PHC1: variants seen among roughly 807,000 people sequenced by gnomAD.
PHC1 encodes polyhomeotic-like protein 1.
PHC1 carries 12 observed loss-of-function variants against 104.3 expected under a neutral mutation model. The ratio of observed to expected loss-of-function variants is 0.12; its 90% CI spans 0.07 to 0.19. PHC1 has a LOEUF of 0.19. Ranked by LOEUF, PHC1 falls within the 10% of genes least tolerant of loss-of-function variation. The pLI is 1.00. For missense variants in PHC1, 671 were observed against 1,200.0 expected, an observed-to-expected ratio of 0.56 and a Z score of 6.51; for synonymous variants, 302 against 455.8, an observed-to-expected ratio of 0.66 and a Z score of 4.30.
rs117302528 is a variant in PHC1, at chr12:8,929,795, C to T, written c.613-640C>T. Reference sequence around the variant, plus strand: ...TTGGCCTCCCAAAGTGTTGGGATTACAGGCATGAGTCATAGCGCCCAGCCT... The same window carrying T: ...TTGGCCTCCCAAAGTGTTGGGATTATAGGCATGAGTCATAGCGCCCAGCCT... On this transcript the variant is annotated intron_variant, in intron 6 of 14. Coordinates refer to ENST00000544916, the MANE Select transcript of PHC1 (RefSeq NM_004426.3). 7.1e-3 allele frequency among the ~76,000 whole-genome samples: 1,075 copies of T among 152,314 alleles called. 2 individuals carry two copies. Among genetic ancestry groups the T allele is most frequent in the Non-Finnish European group, 0.01 (694 of 68,026 alleles).
intron 6 of PHC1, among the ~76,000 whole-genome samples, chr12:8,927,721 A>ACGC (rs1945555860): frequency 6.6e-6 from 1 of 152,296 alleles, no homozygotes; most frequent in Admixed American, 6.5e-5. Flanking sequence ...GTATATTAAT[A>ACGC]ATTGCCAGAT....
At position 8,914,749 on chromosome 12, in the gene PHC1, C is replaced by T. The variant is rs771854633; in HGVS notation, c.-127C>T. On this transcript the variant is annotated 5_prime_UTR_variant, in exon 1 of 15. Coordinates refer to ENST00000544916, the MANE Select transcript of PHC1 (RefSeq NM_004426.3). Reference sequence around the variant, plus strand: ...CCGCGGAGGCCGAGCGAGCCCCCAGCCCAGCCTGGCGACTGGGGACCCCGG... The same window carrying T: ...CCGCGGAGGCCGAGCGAGCCCCCAGTCCAGCCTGGCGACTGGGGACCCCGG... 6.5e-6 allele frequency: 1 copy of T among 153,000 alleles called. No individual in the cohort carries two copies. The highest frequency in any genetic ancestry group is 1.9e-4 in the East Asian group (1 of 5,138). The allele number at this position is 153,000 out of a possible 1,614,324, so 9.5% of individuals were successfully genotyped here.
At chr12:8,928,144 G>T (rs1464694617) in intron 6 of PHC1, among the ~76,000 whole-genome samples, 1 of 151,902 alleles carries the variant, frequency 6.6e-6, no homozygotes, top group Non-Finnish European at 1.5e-5. Flanking sequence ...CTGAGCTCAG[G>T]CAGTCTGCCC....
At chr12:8,920,262 G>C (rs1165395346) in intron 3 of PHC1, among the ~76,000 whole-genome samples, 2 of 152,086 alleles carry the variant, frequency 1.3e-5, no homozygotes, top group Non-Finnish European at 2.9e-5. Context: ...ATTTTATATT[G>C]GGCTAAATAA....
At chr12:8,920,046 G>T in intron 3 of PHC1, 180 bp downstream of exon 3, 1 of 925,530 alleles carries the variant, frequency 1.1e-6, no homozygotes, top group Non-Finnish European at 1.6e-6. Context: ...AGTAAGAACC[G>T]TAAAATCACT....
chr12:8,929,789 G>A (rs747390458), intron 6 of PHC1, among the ~76,000 whole-genome samples: 19 of 152,134 alleles, frequency 1.2e-4, no homozygotes, highest in Admixed American at 7.9e-4. Context: ...CAAAGTGTTG[G>A]GATTACAGGC....
intron 11 of PHC1, 54 bp from the exon 12 acceptor site, chr12:8,936,802 C>A (rs1945850344): frequency 1.8e-6 from 2 of 1,105,578 alleles, no homozygotes; most frequent in Non-Finnish European, 2.7e-6. Context: ...CTAATGATTG[C>A]CTGAGGGGCA....
chr12:8,922,290 A>G (rs1424394693), intron 5 of PHC1, among the ~76,000 whole-genome samples: 1 of 152,238 alleles, frequency 6.6e-6, no homozygotes, highest in East Asian at 1.9e-4. Flanking sequence ...AGTGTTAGAT[A>G]TAGTCGACCT....
intron 3 of PHC1, among the ~76,000 whole-genome samples, chr12:8,920,701 CCTT>C (rs1332935152): frequency 2.0e-5 from 3 of 152,182 alleles, no homozygotes; most frequent in South Asian, 2.1e-4. Context: ...GAGCGAGACT[CCTT>C]CTCAAAAAAA....
chr12:8,928,006 A>G (rs188524980), intron 6 of PHC1, among the ~76,000 whole-genome samples: 1,873 of 149,848 alleles, frequency 0.012, 23 homozygotes, highest in Non-Finnish European at 0.022. Flanking sequence ...TTCTGGGTTC[A>G]AGCGATTCTT....
chr12:8,925,359 C>T (rs745912975), intron 6 of PHC1, among the ~76,000 whole-genome samples: 1 of 152,118 alleles, frequency 6.6e-6, no homozygotes, highest in Non-Finnish European at 1.5e-5. Flanking sequence ...AAGAAAGTCA[C>T]GATCACTGCA....
At chr12:8,932,436 ATTTCT>A (rs1185874866) in intron 7 of PHC1, 122 bp from the exon 8 acceptor site, 5 of 934,764 alleles carry the variant, frequency 5.3e-6, no homozygotes, top group Non-Finnish European at 8.1e-6. Context: ...TACTGACTAG[ATTTCT>A]TTTCACCGCA....
At position 8,939,356 on chromosome 12, in the gene PHC1, C is replaced by A; in HGVS notation, c.2912C>A (p.Ala971Asp). The A allele has an allele frequency of 1.9e-6, 3 of 1,611,604 alleles. No homozygotes were observed. The highest frequency in any genetic ancestry group is 2.5e-6 in the Non-Finnish European group (3 of 1,178,344). Reference protein sequence around the residue: ...EFRSQEIDGQALLLLKEEHLM... With the variant: ...EFRSQEIDGQDLLLLKEEHLM... Reference sequence around the variant, plus strand: ...CGCTCACAGGAGATTGATGGACAGGCCCTTTTATTACTTAAAGAAGAACAT... The same window carrying A: ...CGCTCACAGGAGATTGATGGACAGGACCTTTTATTACTTAAAGAAGAACAT... Residue 971 changes from alanine to aspartate, a missense_variant, in exon 15 of 15, where the codon GCC becomes GAC. Ala to Asp is a moderately radical substitution (Grantham distance 126, BLOSUM62 -2). Coordinates refer to ENST00000544916, the MANE Select transcript of PHC1 (RefSeq NM_004426.3).
intron 6 of PHC1, among the ~76,000 whole-genome samples, chr12:8,926,992 C>A (rs746348744): frequency 1.3e-5 from 2 of 152,216 alleles, no homozygotes; most frequent in South Asian, 4.2e-4. Context: ...GTAGGATGAA[C>A]CCCCACTTTG....
chr12:8,921,618 A>G lies in PHC1; in HGVS notation c.324A>G (p.Thr108=), dbSNP rs1252210968. The G allele has an allele frequency of 2.5e-6, 4 of 1,613,612 alleles. No homozygotes were observed. Among genetic ancestry groups the G allele is most frequent in the East Asian group, 2.2e-5 (1 of 44,876 alleles). Residue 108 remains threonine, a synonymous_variant, in exon 5 of 15, where the codon ACA becomes ACG. Coordinates refer to ENST00000544916, the MANE Select transcript of PHC1 (RefSeq NM_004426.3). ...TTQASINLAT[T]SAAQLISRSQ... ...CCACACAGATCAATCTGGCCACCAC[A>G]TCGGCCGCCCAGCTCATCAGCCGAT... is the stretch of plus-strand genomic sequence containing the variant.
At position 8,933,993 on chromosome 12, in the gene PHC1, C is replaced by T. The variant is rs1334295875; in HGVS notation, c.2022C>T (p.Asp674=). ...TAGCAGAAAGCCCAAAAGTCATGGACGAGAAGAGCAGTCTTGGAGGTGAGT... is the reference window on the plus strand; with the variant it reads ...TAGCAGAAAGCCCAAAAGTCATGGATGAGAAGAGCAGTCTTGGAGGTGAGT... The part of the protein sequence containing the change: ...SPVAESPKVM[D]EKSSLGEKAE... The change falls in exon 9 of 15, where the codon GAC becomes GAT. Residue 674 remains aspartate (D), a synonymous_variant. Transcript: ENST00000544916. 22 of 1,613,904 alleles carry T rather than the reference C, an allele frequency of 1.4e-5. 1 individual carries two copies. The highest frequency in any genetic ancestry group is 6.7e-5 in the Admixed American group (4 of 59,984).
chr12:8,923,611 G>A (rs1383782732), intron 6 of PHC1, among the ~76,000 whole-genome samples: 1 of 151,786 alleles, frequency 6.6e-6, no homozygotes, highest in African/African-American at 2.4e-5. Flanking sequence ...GGTGGATCAC[G>A]AGGTCAGGAG....
intron 6 of PHC1, among the ~76,000 whole-genome samples, chr12:8,927,853 T>TTTTTTC (rs1555127853): frequency 5.2e-4 from 58 of 110,884 alleles, no homozygotes; most frequent in African/African-American, 1.9e-3. Context: ...ACTGTACTAG[T>TTTTTTC]TTTCTTTCTT....
At chr12:8,936,805 G>C in intron 11 of PHC1, 51 bp from the exon 12 acceptor site, 1 of 1,142,766 alleles carries the variant, frequency 8.8e-7, no homozygotes, top group Non-Finnish European at 1.3e-6. Context: ...ATGATTGCCT[G>C]AGGGGCAGCA....
Sources: gnomAD v4.1 joint callset for allele counts (sites outside exome capture counted in the v4.1 genomes callset) on GRCh38, gnomAD v4.1.1 for gene constraint, MANE v1.5 for transcripts, NCBI Gene and HGNC (gene_info 2026-07-23, HGNC 2026-07-21) for gene names.